The following EVI5 variants were observed in gnomAD, a reference collection of about 807,000 sequenced individuals.
EVI5 encodes ecotropic viral integration site 5, also known as ecotropic viral integration site 5 protein homolog.
A neutral mutation model predicts 112.0 loss-of-function variants in EVI5; 73 were observed. The observed-to-expected ratio is 0.65, with a 90% CI of 0.54 to 0.79. The LOEUF (loss-of-function observed/expected upper bound fraction) is 0.79, where lower values mean the gene tolerates loss of function less well. Among genes scored for constraint, EVI5 ranks in the 30% least tolerant of loss-of-function variants. EVI5 has a pLI of 0.00. For synonymous variants in EVI5, 305 were observed against 319.9 expected (o/e 0.95, Z 0.50); for missense variants, 900 against 968.8 (o/e 0.93, Z 0.94).
intron 13 of EVI5, among the ~76,000 whole-genome samples, chr1:92,652,895 G>C (rs1662373639): frequency 6.6e-6 from 1 of 152,178 alleles, no homozygotes; most frequent in African/African-American, 2.4e-5. Flanking sequence ...GCAGAGATCG[G>C]CTAGGAACCC....
chr1:92,684,900 TA>T (rs1261987304), intron 9 of EVI5, among the ~76,000 whole-genome samples: 2 of 152,106 alleles, frequency 1.3e-5, no homozygotes, highest in South Asian at 2.1e-4. Flanking sequence ...CCCAGATTCA[TA>T]AAGCAAGTCC....
chr1:92,720,113 T>C (rs1425633275), intron 2 of EVI5, among the ~76,000 whole-genome samples: 4 of 152,050 alleles, frequency 2.6e-5, no homozygotes, highest in African/African-American at 9.7e-5. Context: ...AAGTAATTTA[T>C]AGATTCAATG....
At chr1:92,754,617 A>G (rs1435189260) in intron 1 of EVI5, among the ~76,000 whole-genome samples, 1 of 152,182 alleles carries the variant, frequency 6.6e-6, no homozygotes, top group African/African-American at 2.4e-5. Flanking sequence ...TCATATAGTT[A>G]TTGGCAAAAG....
intron 1 of EVI5, among the ~76,000 whole-genome samples, chr1:92,767,613 T>G (rs1682833037): frequency 6.6e-6 from 1 of 152,236 alleles, no homozygotes. Context: ...ATCAATAAAA[T>G]AATTTTTTAA....
intron 14 of EVI5, among the ~76,000 whole-genome samples, chr1:92,627,384 CAT>C (rs1471919467): frequency 2.0e-5 from 3 of 152,150 alleles, no homozygotes; most frequent in African/African-American, 7.2e-5. Context: ...CATATATATA[CAT>C]ATATACACCA....
At chr1:92,629,850 T>C (rs371564787) in intron 14 of EVI5, among the ~76,000 whole-genome samples, 4 of 122,902 alleles carry the variant, frequency 3.3e-5, no homozygotes, top group African/African-American at 1.2e-4. Flanking sequence ...CAGGGTGCGA[T>C]GTTCCCCTTC....
chr1:92,610,578 A>G (rs545697538), intron 16 of EVI5, among the ~76,000 whole-genome samples: 324 of 152,332 alleles, frequency 2.1e-3, no homozygotes, highest in African/African-American at 7.4e-3. Flanking sequence ...GCCAAAACAT[A>G]AGCAAAGAAC....
chr1:92,666,939 T>G (rs925701737), intron 10 of EVI5, among the ~76,000 whole-genome samples: 1 of 152,130 alleles, frequency 6.6e-6, no homozygotes, highest in Non-Finnish European at 1.5e-5. Flanking sequence ...TATTCAAATG[T>G]CAGTTGAATG....
chr1:92,753,157 G>A (rs1176620597), intron 1 of EVI5, among the ~76,000 whole-genome samples: 2 of 151,138 alleles, frequency 1.3e-5, no homozygotes, highest in African/African-American at 2.4e-5. Flanking sequence ...GAAGGAAAAT[G>A]TACAAAGGCC....
intron 1 of EVI5, among the ~76,000 whole-genome samples, chr1:92,790,760 A>G (rs1686035498): frequency 6.6e-6 from 1 of 151,554 alleles, no homozygotes; most frequent in African/African-American, 2.4e-5. Context: ...TGGAGGTTGC[A>G]GTGAGCTGAC....
chr1:92,685,273 T>C (rs1668322681), intron 9 of EVI5, among the ~76,000 whole-genome samples: 1 of 152,158 alleles, frequency 6.6e-6, no homozygotes, highest in Non-Finnish European at 1.5e-5. Context: ...CACAACTATA[T>C]GGAAACTGAA....
At chr1:92,743,254 G>C (rs1678707755) in intron 1 of EVI5, among the ~76,000 whole-genome samples, 1 of 152,154 alleles carries the variant, frequency 6.6e-6, no homozygotes, top group Non-Finnish European at 1.5e-5. Flanking sequence ...TTGGGAGGTT[G>C]AGGCAAGAGA....
At chr1:92,532,912 A>G (rs1183276060) in intron 19 of EVI5, among the ~76,000 whole-genome samples, 1 of 152,316 alleles carries the variant, frequency 6.6e-6, no homozygotes, top group East Asian at 1.9e-4. Flanking sequence ...AAAAGCTAGC[A>G]GAAGGCAAGA....
intron 18 of EVI5, among the ~76,000 whole-genome samples, chr1:92,592,468 G>GA (rs1362802175): frequency 2.0e-5 from 3 of 152,116 alleles, no homozygotes; most frequent in African/African-American, 7.2e-5. Flanking sequence ...AGAGAAAGCA[G>GA]GAAGATCTAA....
chr1:92,592,279 C>A (rs546526399), intron 18 of EVI5, among the ~76,000 whole-genome samples: 1 of 152,204 alleles, frequency 6.6e-6, no homozygotes, highest in South Asian at 2.1e-4. Flanking sequence ...CTCAAAACTG[C>A]TCAACTACAT....
At chr1:92,629,119 T>A (rs1324799295) in intron 14 of EVI5, among the ~76,000 whole-genome samples, 1 of 152,228 alleles carries the variant, frequency 6.6e-6, no homozygotes, top group Non-Finnish European at 1.5e-5. Context: ...TAACCCAGAA[T>A]ACGCCTAAGT....
chr1:92,750,605 C>T (rs1680027733), intron 1 of EVI5, among the ~76,000 whole-genome samples: 1 of 152,034 alleles, frequency 6.6e-6, no homozygotes, highest in South Asian at 2.1e-4. Context: ...TCCTATCATC[C>T]CCAGATCCAG....
rs780293343 is a variant in EVI5, at chr1:92,662,717, A to C, written c.1392+2T>G. On this transcript the variant is annotated splice_donor_variant, in intron 13 of 19. Coordinates refer to ENST00000684568, the MANE Select transcript of EVI5 (RefSeq NM_001350197.2). LOFTEE classifies it high-confidence loss of function. ...TGAGAAAAGCACTACCAGACTCCTTACCCATTGTTGTTGGTGCTGGAGCTT... is the reference window on the plus strand; with the variant it reads ...TGAGAAAAGCACTACCAGACTCCTTCCCCATTGTTGTTGGTGCTGGAGCTT... 1.0e-5 allele frequency: 13 copies of C among 1,256,134 alleles called. No homozygotes were observed. Among genetic ancestry groups the C allele is most frequent in the Non-Finnish European group, 1.0e-6 (1 of 974,092 alleles). 77.8% of individuals were successfully genotyped at this position (1,256,134 alleles called of 1,614,324 possible).
At chr1:92,787,579 TACAAAAAAAAATTTAG>T (rs1558265088), upstream of EVI5, among the ~76,000 whole-genome samples, 1 of 146,360 alleles carries the variant, frequency 6.8e-6, no homozygotes, top group Non-Finnish European at 1.5e-5. Context: ...AAAAAAAAAA[TACAAAAAAAAATTTAG>T]ACAGGTGTGG....
Sources: gnomAD v4.1 joint callset for allele counts (sites outside exome capture counted in the v4.1 genomes callset) on GRCh38, gnomAD v4.1.1 for gene constraint, MANE v1.5 for transcripts, NCBI Gene and HGNC (gene_info 2026-07-23, HGNC 2026-07-21) for gene names.